SCNN1A: variants seen among roughly 807,000 people sequenced by gnomAD.
SCNN1A encodes epithelial sodium channel subunit alpha.
SCNN1A carries 65 observed loss-of-function variants against 68.6 expected under a neutral mutation model. That is an observed-to-expected ratio of 0.95 (90% CI 0.78 to 1.16). The LOEUF is 1.16. Ranked by LOEUF, SCNN1A falls within the 50% of genes most tolerant of loss-of-function variation. The probability of loss-of-function intolerance (pLI) is 0.00; values close to 1 mark genes in which losing one functional copy is unlikely to be tolerated. For synonymous variants in SCNN1A, 357 were observed against 353.3 expected (o/e 1.01, Z -0.12); for missense variants, 880 against 865.9 (o/e 1.02, Z -0.20).
intron 2 of SCNN1A, among the ~76,000 whole-genome samples, chr12:6,365,223 G>T (rs1318538404): frequency 6.6e-6 from 1 of 152,068 alleles, no homozygotes; most frequent in Non-Finnish European, 1.5e-5. Context: ...TCACCACGTT[G>T]CCCAGGCTGG....
rs62619209 is a variant in SCNN1A, at chr12:6,346,959, T to C, written c.*914A>G. Reference sequence around the variant, plus strand: ...ATTCAGTCCCTGACCGCAAGGCACTTACAGTCTAGTTGGGAAGGGAGACAC... The same window carrying C: ...ATTCAGTCCCTGACCGCAAGGCACTCACAGTCTAGTTGGGAAGGGAGACAC... On this transcript the variant is annotated 3_prime_UTR_variant, in exon 13 of 13. Transcript: ENST00000228916. The C allele has an allele frequency of 7.5e-3, 1,149 of 152,730 alleles. 4 individuals carry two copies. Among genetic ancestry groups the C allele is most frequent in the Non-Finnish European group, 0.012 (833 of 68,028 alleles). 9.5% of individuals were successfully genotyped at this position (152,730 alleles called of 1,614,324 possible).
In SCNN1A at chr12:6,354,790, A is replaced by G; in HGVS notation, c.1202T>C (p.Val401Ala). Residue 401 changes from valine (V) to alanine (A), a missense_variant, in exon 7 of 13, where the codon GTT (valine) becomes GCT (alanine). Coordinates refer to ENST00000228916, the MANE Select transcript of SCNN1A (RefSeq NM_001038.6). The part of the protein sequence containing the change: ...YGDCTKNGSD[V>A]PVENLYPSKY... Reference sequence around the variant, plus strand: ...TGAAGGGTAAAGGTTCTCAACAGGAACATCACTGCCATTCTTGGTGCAGTC... The same window carrying G: ...TGAAGGGTAAAGGTTCTCAACAGGAGCATCACTGCCATTCTTGGTGCAGTC... 6.2e-7 allele frequency: 1 copy of G among 1,613,666 alleles called. No homozygotes were observed. Among genetic ancestry groups the G allele is most frequent in the Non-Finnish European group, 8.5e-7 (1 of 1,179,916 alleles).
intron 4 of SCNN1A, among the ~76,000 whole-genome samples, chr12:6,358,657 G>A (rs1487099996): frequency 6.6e-6 from 1 of 151,936 alleles, no homozygotes; most frequent in East Asian, 1.9e-4. Context: ...TCAGGAGTTC[G>A]AGATCAGCCT....
rs760389728 is a variant in SCNN1A at position 6,355,377 on chromosome 12, C to A, written c.1038G>T (p.Val346=). Residue 346 remains valine (V), a synonymous_variant, in exon 6 of 13, where the codon GTG becomes GTT. Transcript: ENST00000228916. ...QNDFIPLLST[V]TGARVMVHGQ... is the part of the protein sequence containing the mutation. ...CGTGCACCATTACCCGGGCCCCAGT[C>A]ACTGTGGACAGCAGGGGAATGAAGT... is the stretch of plus-strand genomic sequence containing the variant. 12 of 1,614,018 alleles carry A rather than the reference C, an allele frequency of 7.4e-6. No individual in the cohort carries two copies. In the South Asian group the frequency reaches 1.2e-4, roughly 16 times the overall value.
chr12:6,351,500 G>T lies in SCNN1A; in HGVS notation c.1361-2095C>A, dbSNP rs193078168. On this transcript the variant is annotated intron_variant, in intron 8 of 12. Coordinates refer to ENST00000228916, the MANE Select transcript of SCNN1A (RefSeq NM_001038.6). The surrounding 1 kb of genome is among the most constrained non-coding windows in gnomAD (Gnocchi z 4.2). Reference sequence around the variant, plus strand: ...TAGCTGGGCTTGGCAGCATGCGCCTGTATGTAGTCCCAGGTACTCGGGAAG... The same window carrying T: ...TAGCTGGGCTTGGCAGCATGCGCCTTTATGTAGTCCCAGGTACTCGGGAAG... 6.6e-6 allele frequency among the ~76,000 whole-genome samples: 1 copy of T among 152,158 alleles called. No individual in the cohort carries two copies. Among genetic ancestry groups the T allele is most frequent in the East Asian group, 1.9e-4 (1 of 5,178 alleles).
Position 6,347,945 on chromosome 12 carries a change from G to A in SCNN1A, c.1938C>T (p.Thr646=). 2 of 1,576,628 alleles carry A rather than the reference G, an allele frequency of 1.3e-6. No individual in the cohort carries two copies. Among genetic ancestry groups the A allele is most frequent in the Non-Finnish European group, 1.7e-6 (2 of 1,158,732 alleles). Residue 646 remains threonine, a synonymous_variant, in exon 13 of 13, where the codon ACC becomes ACT. Transcript: ENST00000228916. Reference sequence around the variant, plus strand: ...CCCCTGGAGATGGGCGGGGGCCCAGGGTGGCATAGGCAGGGGGAGGGGCTG... The same window carrying A: ...CCCCTGGAGATGGGCGGGGGCCCAGAGTGGCATAGGCAGGGGGAGGGGCTG... The part of the protein sequence containing the change: ...ALTAPPPAYA[T]LGPRPSPGGS...
At chr12:6,354,716 G>A (rs1457511863) in intron 7 of SCNN1A, 34 bp downstream of exon 7, 2 of 1,572,470 alleles carry the variant, frequency 1.3e-6, no homozygotes, top group Non-Finnish European at 1.8e-6. Flanking sequence ...GCAGTGGCTG[G>A]GAGTGGCTGC....
rs529383103 is a variant in SCNN1A, at chr12:6,355,307, G to A, written c.1108C>T (p.Arg370Trp). 1.2e-5 allele frequency: 19 copies of A among 1,613,462 alleles called. No individual in the cohort carries two copies. Among genetic ancestry groups the A allele is most frequent in the East Asian group, 6.7e-5 (3 of 44,844 alleles). The change falls in exon 6 of 13, where the codon CGG becomes TGG. Residue 370 changes from arginine (R) to tryptophan (W), a missense_variant. Arg to Trp is a moderately radical substitution (Grantham distance 101). Transcript: ENST00000228916. ...AFMDDGGFNLRPGVETSISMR... is the reference protein window; with the variant it reads ...AFMDDGGFNLWPGVETSISMR... Reference sequence around the variant, plus strand: ...CTGATGGAGGTCTCCACGCCAGGCCGCAAGTTAAAGCCACCATCATCCATA... The same window carrying A: ...CTGATGGAGGTCTCCACGCCAGGCCACAAGTTAAAGCCACCATCATCCATA...
At chr12:6,354,410 G>A (rs1948456492) in intron 8 of SCNN1A, 28 bp downstream of exon 8, 1 of 1,481,974 alleles carries the variant, frequency 6.7e-7, no homozygotes, top group Admixed American at 1.7e-5. Context: ...GGTCAGTGGG[G>A]CAGGGTGGGG....
At position 6,362,180 on chromosome 12, in the gene SCNN1A, C is replaced by T. The variant is rs142409152; in HGVS notation, c.746G>A (p.Arg249Lys). Residue 249 changes from arginine to lysine, a missense_variant, in exon 4 of 13, where the codon AGG becomes AAG. By Grantham distance (26) the Arg-to-Lys change is conservative (BLOSUM62 2). Around this residue, in one of 3 missense-constraint regions of SCNN1A, gnomAD observed 758 missense variants for 721.8 expected, o/e 1.05. Transcript: ENST00000228916. ...QTYSSGVDAV[R>K]EWYRFHYINI... ...GATGTAGTGGAAGCGGTACCACTCCCTCACCGCATCCACCCCTGATGAGTA... is the reference window on the plus strand; with the variant it reads ...GATGTAGTGGAAGCGGTACCACTCCTTCACCGCATCCACCCCTGATGAGTA... 35 of 1,613,844 alleles carry T rather than the reference C, an allele frequency of 2.2e-5. No homozygotes were observed. Among genetic ancestry groups the T allele is most frequent in the Middle Eastern group, 3.3e-4 (2 of 6,080 alleles).
chr12:6,365,696 A>G (rs1948663777), intron 2 of SCNN1A, among the ~76,000 whole-genome samples: 1 of 152,258 alleles, frequency 6.6e-6, no homozygotes, highest in Non-Finnish European at 1.5e-5. Flanking sequence ...ACAGGCAAAA[A>G]TTAATTCAAG....
intron 12 of SCNN1A, 48 bp from the exon 13 acceptor site, chr12:6,348,301 G>C: frequency 6.2e-7 from 1 of 1,612,656 alleles, no homozygotes; most frequent in East Asian, 2.2e-5. Flanking sequence ...GTTCTGGATG[G>C]ACTCTGGCAG....
intron 2 of SCNN1A, among the ~76,000 whole-genome samples, chr12:6,370,419 G>T (rs989184550): frequency 2.0e-5 from 3 of 152,152 alleles, no homozygotes; most frequent in African/African-American, 7.2e-5. Flanking sequence ...GAGCAGCAGG[G>T]TGCAAGGACC....
chr12:6,354,424 C>T lies in SCNN1A; in HGVS notation c.1360+14G>A. 1 of 1,561,148 alleles carries T rather than the reference C, an allele frequency of 6.4e-7. No individual in the cohort carries two copies. Among genetic ancestry groups the T allele is most frequent in the Non-Finnish European group, 8.8e-7 (1 of 1,133,304 alleles). The stretch of plus-strand genomic sequence containing the variant: ...GGGTCAGTGGGGCAGGGTGGGGGCT[C>T]CCTGGAGTCTCACCCCAGGAACTGT... On this transcript the variant is annotated intron_variant, in intron 8 of 12. Coordinates refer to ENST00000228916, the MANE Select transcript of SCNN1A (RefSeq NM_001038.6).
In SCNN1A at chr12:6,347,945, G is replaced by T. The variant is rs1948291111; in HGVS notation, c.1938C>A (p.Thr646=). 1 of 1,576,628 alleles carries T rather than the reference G, an allele frequency of 6.3e-7. No individual in the cohort carries two copies. The highest frequency in any genetic ancestry group is 2.3e-5 in the East Asian group (1 of 43,432). ...CCCCTGGAGATGGGCGGGGGCCCAGGGTGGCATAGGCAGGGGGAGGGGCTG... is the reference window on the plus strand; with the variant it reads ...CCCCTGGAGATGGGCGGGGGCCCAGTGTGGCATAGGCAGGGGGAGGGGCTG... ...ALTAPPPAYA[T]LGPRPSPGGS... is the part of the protein sequence containing the mutation. The change falls in exon 13 of 13, where the codon ACC becomes ACA. Residue 646 remains threonine, a synonymous_variant. Coordinates refer to ENST00000228916, the MANE Select transcript of SCNN1A (RefSeq NM_001038.6).
intron 4 of SCNN1A, among the ~76,000 whole-genome samples, chr12:6,357,691 A>T (rs911938774): frequency 6.6e-6 from 1 of 152,206 alleles, no homozygotes; most frequent in African/African-American, 2.4e-5. Context: ...AATCAGTATA[A>T]TGTGATGGTT....
chr12:6,355,490 A>C (rs948312454), intron 5 of SCNN1A, 55 bp from the exon 6 acceptor site: 103 of 1,587,010 alleles, frequency 6.5e-5, no homozygotes, highest in Non-Finnish European at 4.8e-5. Context: ...GAAAAGAGTT[A>C]GGAGATGGAA....
Position 6,363,611 on chromosome 12 carries a change from G to A in SCNN1A, c.516C>T (p.Ala172=), listed in dbSNP as rs1006011619. ...YKYSSFTTLV[A]GSRSRRDLRG... ...GCAGGTCGCGACGGCTGCGGGAGCC[G>A]GCCACGAGAGTGGTGAAGGAGCTGT... The change falls in exon 3 of 13, where the codon GCC becomes GCT. Residue 172 remains alanine, a synonymous_variant. Coordinates refer to ENST00000228916, the MANE Select transcript of SCNN1A (RefSeq NM_001038.6). The A allele has an allele frequency of 3.2e-5, 52 of 1,612,730 alleles. 1 individual carries two copies. The highest frequency in any genetic ancestry group is 4.0e-5 in the Non-Finnish European group (47 of 1,179,486).
At chr12:6,367,534 C>T (rs1948701111) in intron 2 of SCNN1A, among the ~76,000 whole-genome samples, 1 of 152,128 alleles carries the variant, frequency 6.6e-6, no homozygotes, top group Admixed American at 6.5e-5. Context: ...CAAGAAAATA[C>T]ATACTGTATG....
Sources: allele counts gnomAD v4.1 joint callset (sites outside exome capture counted in the v4.1 genomes callset), GRCh38; gene constraint gnomAD v4.1.1; regional missense constraint gnomAD v4.1.1; non-coding constraint Gnocchi (gnomAD v3.1); transcripts MANE v1.5; gene names NCBI Gene and HGNC (gene_info 2026-07-23, HGNC 2026-07-21).